Variants in QTGAL observed in about 807,000 individuals in gnomAD.
QTGAL encodes BGnT-like protein 1.
the QTGAL span, among the ~76,000 whole-genome samples, chr17:82,971,270 G>A: frequency 1.1e-4 from 16 of 152,202 alleles, no homozygotes; most frequent in African/African-American, 3.4e-4. Context: ...TAGTGACAAC[G>A]ATCCAGAAAC....
chr17:82,968,973 A>C, the QTGAL span, among the ~76,000 whole-genome samples: 114 of 152,094 alleles, frequency 7.5e-4, no homozygotes, highest in African/African-American at 2.6e-3. Context: ...ATCTCTACTG[A>C]AAATATAAAA....
the QTGAL span, among the ~76,000 whole-genome samples, chr17:82,989,255 A>G: frequency 6.6e-6 from 1 of 152,100 alleles, no homozygotes; most frequent in Admixed American, 6.6e-5. Context: ...ACAGAAACCC[A>G]AACACTGCAT....
chr17:83,036,385 G>C, the QTGAL span, among the ~76,000 whole-genome samples: 1 of 152,232 alleles, frequency 6.6e-6, no homozygotes, highest in East Asian at 1.9e-4. Flanking sequence ...AGGGGCCTGA[G>C]GGGGCTTCTG....
the QTGAL span, among the ~76,000 whole-genome samples, chr17:82,999,367 T>C: frequency 6.6e-6 from 1 of 152,220 alleles, no homozygotes; most frequent in Admixed American, 6.5e-5. Flanking sequence ...CAAATGTCCA[T>C]CTACAGCTAA....
the QTGAL span, chr17:83,051,719 C>T: frequency 0.23 from 343,290 of 1,479,508 alleles, 40,663 homozygotes; most frequent in East Asian, 0.25. Flanking sequence ...GCGGGGCACC[C>T]TCCCCGCTGG....
At chr17:82,975,059 C>T in the QTGAL span, among the ~76,000 whole-genome samples, 1 of 106,594 alleles carries the variant, frequency 9.4e-6, no homozygotes, top group Non-Finnish European at 1.8e-5. Context: ...AGGACAGAGC[C>T]CGACTCCATC....
the QTGAL span, among the ~76,000 whole-genome samples, chr17:82,997,079 C>T: frequency 9.2e-5 from 14 of 152,056 alleles, no homozygotes; most frequent in Non-Finnish European, 1.8e-4. Flanking sequence ...TTCTGTACAG[C>T]AAAGGAAACT....
chr17:82,986,217 C>T, the QTGAL span, among the ~76,000 whole-genome samples: 6 of 152,314 alleles, frequency 3.9e-5, no homozygotes, highest in South Asian at 6.2e-4. Flanking sequence ...TTGCTGCCGC[C>T]GGTGCAGACA....
chr17:83,028,390 G>A, the QTGAL span, among the ~76,000 whole-genome samples: 6 of 151,110 alleles, frequency 4.0e-5, no homozygotes, highest in Middle Eastern at 3.4e-3. Context: ...CGGGCGAGGT[G>A]GCGGGCGCCT....
At chr17:82,967,426 C>T in the QTGAL span, among the ~76,000 whole-genome samples, 4 of 152,102 alleles carry the variant, frequency 2.6e-5, no homozygotes, top group South Asian at 4.1e-4. Flanking sequence ...TTCTGCTTGT[C>T]GTCCATCCTG....
the QTGAL span, chr17:83,048,474 C>T: frequency 6.2e-7 from 1 of 1,607,208 alleles, no homozygotes; most frequent in Non-Finnish European, 8.5e-7. Context: ...TACTTACCGC[C>T]TCTAGGAGAG....
chr17:83,027,003 C>A, the QTGAL span, among the ~76,000 whole-genome samples: 1 of 145,644 alleles, frequency 6.9e-6, no homozygotes, highest in Non-Finnish European at 1.5e-5. Context: ...GACAGACACA[C>A]AGAGCGGGGC....
At chr17:82,948,863 A>T in the QTGAL span, 1 of 152,272 alleles carries the variant, frequency 6.6e-6, no homozygotes, top group Non-Finnish European at 1.5e-5. Flanking sequence ...AAAATGGGAC[A>T]ATGTTGTTTT....
the QTGAL span, among the ~76,000 whole-genome samples, chr17:82,996,174 C>T: frequency 6.6e-6 from 1 of 152,188 alleles, no homozygotes; most frequent in Admixed American, 6.5e-5. Flanking sequence ...CTACCCAAAG[C>T]AATCTATAGA....
chr17:82,957,176 C>T, the QTGAL span: 3 of 1,614,194 alleles, frequency 1.9e-6, no homozygotes, highest in East Asian at 4.5e-5. Context: ...TGCGGCCCTG[C>T]ACACCTGAGA....
the QTGAL span, among the ~76,000 whole-genome samples, chr17:82,987,194 T>C: frequency 2.0e-5 from 3 of 152,244 alleles, no homozygotes; most frequent in East Asian, 1.9e-4. Flanking sequence ...TATCAAAATA[T>C]CTCATGTGCT....
chr17:82,945,423 A>C, the QTGAL span: 1 of 152,222 alleles, frequency 6.6e-6, no homozygotes, highest in African/African-American at 2.4e-5. Context: ...GAAACTGCAG[A>C]ACTGTAAGAA....
At chr17:82,949,649 G>A in the QTGAL span, 2 of 152,218 alleles carry the variant, frequency 1.3e-5, no homozygotes, top group African/African-American at 4.8e-5. Flanking sequence ...ACTAAGAAAA[G>A]AGCGTCGGCG....
At chr17:82,983,182 G>C in the QTGAL span, among the ~76,000 whole-genome samples, 1 of 152,054 alleles carries the variant, frequency 6.6e-6, no homozygotes, top group African/African-American at 2.4e-5. Context: ...CGGGAGGCTG[G>C]GGCAGGAGAA....
Sources: gnomAD v4.1 joint callset for allele counts (sites outside exome capture counted in the v4.1 genomes callset) on GRCh38, gnomAD v4.1.1 for gene constraint, MANE v1.5 for transcripts, NCBI Gene and HGNC (gene_info 2026-07-23, HGNC 2026-07-21) for gene names.